Variants in DCLK2 observed in about 807,000 individuals in gnomAD.
The protein encoded by DCLK2 is doublecortin like kinase 2.
A neutral mutation model predicts 78.4 loss-of-function variants in DCLK2; 31 were observed. The observed-to-expected ratio is 0.40, with a 90% CI of 0.30 to 0.53. DCLK2 has a LOEUF of 0.53. Among genes scored for constraint, DCLK2 ranks in the 20% least tolerant of loss-of-function variants. The pLI is 0.61. For missense variants in DCLK2, 872 were observed against 973.7 expected, an observed-to-expected ratio of 0.90 and a Z score of 1.39; for synonymous variants, 407 against 374.9, an observed-to-expected ratio of 1.09 and a Z score of -0.99.
intron 2 of DCLK2, among the ~76,000 whole-genome samples, chr4:150,140,259 T>C (rs1253403493): frequency 6.6e-6 from 1 of 152,232 alleles, no homozygotes; most frequent in African/African-American, 2.4e-5. Flanking sequence ...TGATACCTTA[T>C]TCCTTGGAAT....
At chr4:150,101,746 A>T (rs28397206) in intron 1 of DCLK2, among the ~76,000 whole-genome samples, 2 of 152,120 alleles carry the variant, frequency 1.3e-5, no homozygotes, top group Admixed American at 6.5e-5. Context: ...AATAAAAATT[A>T]AGCAGAAGGT....
intron 1 of DCLK2, among the ~76,000 whole-genome samples, chr4:150,094,696 G>A (rs1041380191): frequency 4.6e-5 from 7 of 152,220 alleles, no homozygotes; most frequent in Non-Finnish European, 5.9e-5. Context: ...CATGAAATGT[G>A]TAAGTCTGTT....
chr4:150,160,870 T>C (rs765852811), intron 2 of DCLK2, among the ~76,000 whole-genome samples: 4 of 152,192 alleles, frequency 2.6e-5, no homozygotes, highest in Non-Finnish European at 5.9e-5. Context: ...ATTGGTGAGA[T>C]AATTAAAGCT....
intron 2 of DCLK2, among the ~76,000 whole-genome samples, chr4:150,104,184 G>C (rs1731075415): frequency 6.6e-6 from 1 of 151,774 alleles, no homozygotes; most frequent in Non-Finnish European, 1.5e-5. Flanking sequence ...GCTCAAGTTT[G>C]GAAATCCCCA....
chr4:150,194,532 CAT>C (rs1738723854), intron 3 of DCLK2, among the ~76,000 whole-genome samples: 1 of 152,156 alleles, frequency 6.6e-6, no homozygotes, highest in South Asian at 2.1e-4. Context: ...TCAACTATTT[CAT>C]ATGTTATTGG....
chr4:150,130,850 T>C (rs1733262052), intron 2 of DCLK2, among the ~76,000 whole-genome samples: 1 of 151,892 alleles, frequency 6.6e-6, no homozygotes, highest in Admixed American at 6.6e-5. Flanking sequence ...CTGAGAGCAA[T>C]ATGGAATTTT....
intron 2 of DCLK2, among the ~76,000 whole-genome samples, chr4:150,114,806 A>T (rs1046790061): frequency 2.0e-5 from 3 of 152,170 alleles, no homozygotes; most frequent in African/African-American, 7.2e-5. Flanking sequence ...CTTTTGTCTC[A>T]CTGCTCTTAG....
intron 5 of DCLK2, among the ~76,000 whole-genome samples, chr4:150,213,079 G>C (rs1358205250): frequency 3.3e-5 from 5 of 152,188 alleles, no homozygotes; most frequent in Admixed American, 1.3e-4. Flanking sequence ...AATCCAGTAA[G>C]CCAACACCTT....
chr4:150,140,469 C>T (rs762574361), intron 2 of DCLK2, among the ~76,000 whole-genome samples: 7 of 152,278 alleles, frequency 4.6e-5, no homozygotes, highest in Non-Finnish European at 7.4e-5. Flanking sequence ...CCAATGGTGA[C>T]GCTGTGTGTG....
intron 2 of DCLK2, among the ~76,000 whole-genome samples, chr4:150,163,056 T>A (rs1447082230): frequency 6.6e-6 from 1 of 152,158 alleles, no homozygotes; most frequent in African/African-American, 2.4e-5. Context: ...AGTTGGTTAA[T>A]CATTCTGCAG....
chr4:150,175,104 T>TTTA (rs1560835144), intron 2 of DCLK2, among the ~76,000 whole-genome samples: 1 of 98,062 alleles, frequency 1.0e-5, no homozygotes, highest in African/African-American at 5.1e-5. Context: ...TTATATATAT[T>TTTA]TATATATTTA....
intron 2 of DCLK2, among the ~76,000 whole-genome samples, chr4:150,147,401 T>C (rs1174771692): frequency 1.3e-5 from 2 of 152,076 alleles, no homozygotes; most frequent in Non-Finnish European, 2.9e-5. Context: ...GGGCCTGGAG[T>C]TTAGTTACCT....
Position 150,078,764 on chromosome 4 carries a change from G to A in DCLK2, c.-264G>A, listed in dbSNP as rs1728999767. ...GGAGGAGGCGCTTGCGGGGGCGTGG[G>A]GCTCCCCGGCAGGCGGGAGGCACGG... On this transcript the variant is annotated 5_prime_UTR_variant, in exon 1 of 16. Transcript: ENST00000296550. The A allele has an allele frequency of 3.0e-6, 1 of 331,390 alleles. No homozygotes were observed. Among genetic ancestry groups the A allele is most frequent in the South Asian group, 1.4e-4 (1 of 7,140 alleles). The allele number at this position is 331,390 out of a possible 1,614,324, so 20.5% of individuals were successfully genotyped here.
intron 2 of DCLK2, among the ~76,000 whole-genome samples, chr4:150,154,128 T>A (rs1216758722): frequency 6.6e-6 from 1 of 152,194 alleles, no homozygotes; most frequent in Non-Finnish European, 1.5e-5. Flanking sequence ...AGTGGGGACA[T>A]GGATGCTGAG....
At chr4:150,142,009 A>G (rs1170591448) in intron 2 of DCLK2, among the ~76,000 whole-genome samples, 3 of 152,216 alleles carry the variant, frequency 2.0e-5, no homozygotes, top group Non-Finnish European at 4.4e-5. Context: ...TTCTGTAACA[A>G]TGAAATCATA....
Position 150,224,455 on chromosome 4 carries a change from T to G in DCLK2, c.1242-46T>G, listed in dbSNP as rs573343205. 3 of 1,490,288 alleles carry G rather than the reference T, an allele frequency of 2.0e-6. No individual in the cohort carries two copies. In the East Asian group the frequency reaches 6.9e-5, roughly 34 times the overall value. 92.3% of individuals were successfully genotyped at this position (1,490,288 alleles called of 1,614,324 possible). A position where few individuals can be genotyped will look rare whatever the true frequency, so the allele number is the denominator to read the frequency against. ...AAAAGAAAGAAAACAGGAATGATGGTATTTAATTTATGTCTTTAAATGGTC... is the reference window on the plus strand; with the variant it reads ...AAAAGAAAGAAAACAGGAATGATGGGATTTAATTTATGTCTTTAAATGGTC... On this transcript the variant is annotated intron_variant, in intron 7 of 15. Transcript: ENST00000296550.
At chr4:150,080,475 T>C (rs1404454280) in intron 1 of DCLK2, among the ~76,000 whole-genome samples, 1 of 152,180 alleles carries the variant, frequency 6.6e-6, no homozygotes, top group Admixed American at 6.5e-5. Flanking sequence ...AGAACCCAGG[T>C]ATGTGCTGAC....
At chr4:150,162,573 AT>A (rs1465468244) in intron 2 of DCLK2, among the ~76,000 whole-genome samples, 1 of 152,158 alleles carries the variant, frequency 6.6e-6, no homozygotes, top group Non-Finnish European at 1.5e-5. Context: ...GTAATTTCAA[AT>A]TAAATGTATG....
At position 150,102,663 on chromosome 4, in the gene DCLK2, C is replaced by T; in HGVS notation, c.607C>T (p.Arg203Ter). The T allele has an allele frequency of 2.5e-6, 4 of 1,614,050 alleles. No individual in the cohort carries two copies. The highest frequency in any genetic ancestry group is 3.4e-6 in the Non-Finnish European group (4 of 1,180,006). Residue 203 changes from arginine to a stop codon, truncating the protein, a stop_gained, in exon 2 of 16, where the codon CGA becomes TGA. Transcript: ENST00000296550. LOFTEE classifies it high-confidence loss of function. ...FIKPKLVTVI[R>*]SGVKPRKAVR... is the part of the protein sequence containing the mutation. Reference sequence around the variant, plus strand: ...CAAACCCAAGTTAGTGACTGTGATTCGAAGTGGAGTGAAGCCTAGAAAAGC... The same window carrying T: ...CAAACCCAAGTTAGTGACTGTGATTTGAAGTGGAGTGAAGCCTAGAAAAGC...
Sources: gnomAD v4.1 joint callset for allele counts (sites outside exome capture counted in the v4.1 genomes callset) on GRCh38, gnomAD v4.1.1 for gene constraint, MANE v1.5 for transcripts, NCBI Gene and HGNC (gene_info 2026-07-23, HGNC 2026-07-21) for gene names.